KCNK13: variants seen among roughly 807,000 people sequenced by gnomAD.
The protein encoded by KCNK13 is potassium channel subfamily K member 13.
A neutral mutation model predicts 23.4 loss-of-function variants in KCNK13; 12 were observed. The observed-to-expected ratio is 0.51, with a 90% CI of 0.33 to 0.83. The LOEUF is 0.83. Ranked by LOEUF, KCNK13 falls within the 40% of genes least tolerant of loss-of-function variation. The probability of loss-of-function intolerance (pLI) is 0.02; values close to 1 mark genes in which losing one functional copy is unlikely to be tolerated. For missense variants in KCNK13, 463 were observed against 556.3 expected, an observed-to-expected ratio of 0.83 and a Z score of 1.69; for synonymous variants, 231 against 229.5, an observed-to-expected ratio of 1.01 and a Z score of -0.06.
At chr14:90,092,912 C>CAA (rs34122207) in intron 1 of KCNK13, among the ~76,000 whole-genome samples, 48 of 78,262 alleles carry the variant, frequency 6.1e-4, no homozygotes, top group East Asian at 2.4e-3. Context: ...ACCCTGTCTC[C>CAA]AAAAAAAAAA....
At chr14:90,158,976 G>A (rs575607733) in intron 1 of KCNK13, among the ~76,000 whole-genome samples, 7 of 152,290 alleles carry the variant, frequency 4.6e-5, no homozygotes, top group East Asian at 1.9e-4. Flanking sequence ...GTCTTAGTCC[G>A]TTTGTGTTGC....
intron 1 of KCNK13, among the ~76,000 whole-genome samples, chr14:90,102,098 G>C (rs1157322206): frequency 6.6e-6 from 1 of 152,072 alleles, no homozygotes; most frequent in African/African-American, 2.4e-5. Flanking sequence ...GGCCAGGCTG[G>C]TCTCGAGCTC....
chr14:90,125,909 A>T (rs1889794328), intron 1 of KCNK13, among the ~76,000 whole-genome samples: 1 of 151,948 alleles, frequency 6.6e-6, no homozygotes, highest in South Asian at 2.1e-4. Flanking sequence ...CTATAGTCCC[A>T]GCTACTCAGG....
At position 90,072,722 on chromosome 14, in the gene KCNK13, A is replaced by T. The variant is rs551058605; in HGVS notation, c.334+10183A>T. ...CGACTACACATAGTTATTGAAATCT[A>T]TAAGTATGTATGGACTATTAGCTTT... On this transcript the variant is annotated intron_variant, in intron 1 of 1. Transcript: ENST00000282146. Among the ~76,000 whole-genome samples, 5 of 152,354 alleles carry T rather than the reference A, an allele frequency of 3.3e-5. No homozygotes were observed. In the East Asian group the frequency reaches 9.7e-4, roughly 29 times the overall value.
intron 1 of KCNK13, among the ~76,000 whole-genome samples, chr14:90,140,951 G>C (rs1343146713): frequency 6.6e-6 from 1 of 152,140 alleles, no homozygotes; most frequent in Non-Finnish European, 1.5e-5. Flanking sequence ...TCACATTAGG[G>C]GAAGTTACGT....
intron 1 of KCNK13, chr14:90,108,083 G>T (rs948440826): frequency 1.2e-5 from 6 of 502,586 alleles, no homozygotes; most frequent in African/African-American, 1.9e-5. Context: ...GATGAATTTG[G>T]GGGGCACAAA....
chr14:90,174,301 A>G (rs1405556823), intron 1 of KCNK13, among the ~76,000 whole-genome samples: 2 of 151,992 alleles, frequency 1.3e-5, no homozygotes, highest in African/African-American at 4.8e-5. Context: ...CAAGAGCGAG[A>G]CTCTGTCTGA....
At chr14:90,172,539 C>T (rs1890376854) in intron 1 of KCNK13, among the ~76,000 whole-genome samples, 1 of 152,176 alleles carries the variant, frequency 6.6e-6, no homozygotes, top group Non-Finnish European at 1.5e-5. Context: ...ACAGTGTTAA[C>T]ATGAGCATGT....
chr14:90,136,223 G>A (rs929484746), intron 1 of KCNK13, among the ~76,000 whole-genome samples: 5 of 152,150 alleles, frequency 3.3e-5, no homozygotes, highest in African/African-American at 4.8e-5. Flanking sequence ...CTGGCCTGCT[G>A]TTTCTGCATT....
At chr14:90,182,936 G>A (rs117072864) in intron 1 of KCNK13, among the ~76,000 whole-genome samples, 110 of 152,124 alleles carry the variant, frequency 7.2e-4, no homozygotes, top group Non-Finnish European at 1.3e-3. Flanking sequence ...TAGTCAGAGT[G>A]ACTCTGATGC....
chr14:90,111,561 C>T (rs1328348539), intron 1 of KCNK13, among the ~76,000 whole-genome samples: 1 of 152,068 alleles, frequency 6.6e-6, no homozygotes, highest in Non-Finnish European at 1.5e-5. Context: ...GTATGGAAGA[C>T]AGTGAAATGT....
chr14:90,149,596 C>T (rs543797312), intron 1 of KCNK13, among the ~76,000 whole-genome samples: 83 of 152,276 alleles, frequency 5.5e-4, no homozygotes, highest in African/African-American at 2.0e-3. Context: ...CACCAAGTCC[C>T]TCCCACAACA....
chr14:90,143,695 C>T (rs974579308), intron 1 of KCNK13, among the ~76,000 whole-genome samples: 1 of 152,154 alleles, frequency 6.6e-6, no homozygotes, highest in Non-Finnish European at 1.5e-5. Context: ...AGAACTAGGA[C>T]AAATTCAATG....
intron 1 of KCNK13, among the ~76,000 whole-genome samples, chr14:90,063,336 T>C (rs1888968859): frequency 6.6e-6 from 1 of 152,052 alleles, no homozygotes; most frequent in African/African-American, 2.4e-5. Flanking sequence ...CTGGGAGCCA[T>C]TGAGAATTTT....
At chr14:90,080,715 T>C (rs1030467434) in intron 1 of KCNK13, among the ~76,000 whole-genome samples, 1 of 152,210 alleles carries the variant, frequency 6.6e-6, no homozygotes, top group Non-Finnish European at 1.5e-5. Flanking sequence ...GGTTCCCCGT[T>C]AGGATACTCC....
intron 1 of KCNK13, among the ~76,000 whole-genome samples, chr14:90,141,130 C>T (rs1398165531): frequency 6.6e-6 from 1 of 152,214 alleles, no homozygotes; most frequent in Non-Finnish European, 1.5e-5. Context: ...CTTCCTCCTC[C>T]ATTACTTGCC....
At chr14:90,163,683 A>T (rs1033346296) in intron 1 of KCNK13, among the ~76,000 whole-genome samples, 9 of 151,674 alleles carry the variant, frequency 5.9e-5, no homozygotes, top group African/African-American at 2.2e-4. Flanking sequence ...CACGTTTCTT[A>T]TTTATTTATT....
At chr14:90,102,431 T>G (rs1889493001) in intron 1 of KCNK13, among the ~76,000 whole-genome samples, 1 of 152,204 alleles carries the variant, frequency 6.6e-6, no homozygotes, top group South Asian at 2.1e-4. Flanking sequence ...TTGCCTGTGC[T>G]GCAATGCTGG....
chr14:90,119,726 G>T (rs1566954970), intron 1 of KCNK13, among the ~76,000 whole-genome samples: 1 of 151,948 alleles, frequency 6.6e-6, no homozygotes, highest in Admixed American at 6.6e-5. Flanking sequence ...CAGCCTCCCA[G>T]GTAGCTAGGA....
Sources: allele counts gnomAD v4.1 joint callset (sites outside exome capture counted in the v4.1 genomes callset), GRCh38; gene constraint gnomAD v4.1.1; transcripts MANE v1.5; gene names NCBI Gene and HGNC (gene_info 2026-07-23, HGNC 2026-07-21).